Variants in STYX observed in about 807,000 individuals in gnomAD.
STYX encodes serine/threonine/tyrosine-interacting protein.
In STYX, 20 loss-of-function variants were observed where a neutral mutation model predicts 42.7. The observed-to-expected ratio is 0.47, with a 90% CI of 0.33 to 0.68. STYX has a LOEUF of 0.68. Among genes scored for constraint, STYX ranks in the 30% least tolerant of loss-of-function variants. The probability of loss-of-function intolerance (pLI) is 0.02; values close to 1 mark genes in which losing one functional copy is unlikely to be tolerated. For synonymous variants in STYX, 78 were observed against 81.9 expected (o/e 0.95, Z 0.26); for missense variants, 226 against 268.5 (o/e 0.84, Z 1.11).
chr14:52,746,830 G>A (rs900883140), intron 3 of STYX, among the ~76,000 whole-genome samples: 1 of 152,186 alleles, frequency 6.6e-6, no homozygotes, highest in African/African-American at 2.4e-5. Flanking sequence ...CCCAAAATAA[G>A]GAATTTCAAT....
intron 1 of STYX, among the ~76,000 whole-genome samples, chr14:52,731,433 CTT>C (rs34855760): frequency 2.8e-5 from 3 of 105,626 alleles, no homozygotes; most frequent in East Asian, 2.8e-4. Context: ...TGGAGGTTCA[CTT>C]TTTTTTTTTT....
Position 52,757,891 on chromosome 14 carries a change from C to T in STYX, c.398C>T (p.Ala133Val). The T allele has an allele frequency of 6.2e-7, 1 of 1,612,314 alleles. No homozygotes were observed. The highest frequency in any genetic ancestry group is 8.5e-7 in the Non-Finnish European group (1 of 1,179,740). The change falls in exon 8 of 11, where the codon GCA becomes GTA. Residue 133 changes from alanine (A) to valine (V), a missense_variant. Transcript: ENST00000354586. ...CTCTTCAGTGCAGCCTTTGTTATTG[C>T]ATACATTATGGAAACATTTGGAATG... Reference protein sequence around the residue: ...GISRSAAFVIAYIMETFGMKY... With the variant: ...GISRSAAFVIVYIMETFGMKY...
rs987646036 is a variant in STYX at position 52,750,729 on chromosome 14, G to A, written c.191G>A (p.Arg64Gln). ...KHGITHIICI[R>Q]QNIEANFIKP... is the part of the protein sequence containing the mutation. The stretch of plus-strand genomic sequence containing the variant: ...GGAATAACCCATATAATATGCATAC[G>A]ACAAAATATTGAAGCAAACTTTATT... Residue 64 changes from arginine (R) to glutamine (Q), a missense_variant, in exon 4 of 11, where the codon CGA (arginine) becomes CAA (glutamine). Physicochemically the swap from Arg to Gln is conservative, Grantham distance 43. Transcript: ENST00000354586. 4 of 1,591,876 alleles carry A rather than the reference G, an allele frequency of 2.5e-6. No individual in the cohort carries two copies. Among genetic ancestry groups the A allele is most frequent in the Admixed American group, 1.8e-5 (1 of 56,466 alleles).
At chr14:52,750,584 C>T (rs1472578819) in intron 3 of STYX, 99 bp from the exon 4 acceptor site, 17 of 769,284 alleles carry the variant, frequency 2.2e-5, no homozygotes, top group Non-Finnish European at 2.9e-5. Flanking sequence ...GATGTGGGTT[C>T]TGTGTATTTT....
At chr14:52,767,949 G>A (rs1029669450) in intron 9 of STYX, among the ~76,000 whole-genome samples, 1 of 151,970 alleles carries the variant, frequency 6.6e-6, no homozygotes, top group East Asian at 1.9e-4. Context: ...TTTCACTTCC[G>A]CCTTACCATA....
intron 9 of STYX, among the ~76,000 whole-genome samples, chr14:52,760,876 G>A (rs1263823010): frequency 6.6e-6 from 1 of 151,830 alleles, no homozygotes; most frequent in Non-Finnish European, 1.5e-5. Flanking sequence ...CATGCAATGT[G>A]TAATAATCAC....
At chr14:52,737,359 G>A (rs904659458) in intron 1 of STYX, among the ~76,000 whole-genome samples, 2 of 152,082 alleles carry the variant, frequency 1.3e-5, no homozygotes, top group African/African-American at 2.4e-5. Context: ...GAGATAATTC[G>A]GAAGGATGTT....
At chr14:52,767,796 C>G (rs1952092) in intron 9 of STYX, among the ~76,000 whole-genome samples, 73,847 of 151,936 alleles carry the variant, frequency 0.49, 18,036 homozygotes, top group South Asian at 0.56. Flanking sequence ...CCAATGAAAT[C>G]AAAATCTGTG....
At chr14:52,748,700 T>A (rs772878582) in intron 3 of STYX, among the ~76,000 whole-genome samples, 2 of 152,184 alleles carry the variant, frequency 1.3e-5, no homozygotes, top group Admixed American at 6.5e-5. Context: ...AGTAGTCTAT[T>A]GGGCCTTCAA....
chr14:52,749,114 CG>C (rs1881507276), intron 3 of STYX, among the ~76,000 whole-genome samples: 1 of 152,168 alleles, frequency 6.6e-6, no homozygotes, highest in African/African-American at 2.4e-5. Flanking sequence ...AGTCATGGTC[CG>C]GCTCTGGTGA....
At position 52,774,100 on chromosome 14, in the gene STYX, T is replaced by C. The variant is rs1251802108; in HGVS notation, c.*2994T>C. Reference sequence around the variant, plus strand: ...TGTTTAAACTGCAGTGACCTTTACTTGTATCTACTCTGTGGTGGAAATGTT... The same window carrying C: ...TGTTTAAACTGCAGTGACCTTTACTCGTATCTACTCTGTGGTGGAAATGTT... On this transcript the variant is annotated 3_prime_UTR_variant, in exon 11 of 11. Coordinates refer to ENST00000354586, the MANE Select transcript of STYX (RefSeq NM_145251.4). 1 of 152,196 alleles carries C rather than the reference T, an allele frequency of 6.6e-6. No individual in the cohort carries two copies. The highest frequency in any genetic ancestry group is 2.4e-5 in the African/African-American group (1 of 41,452). 9.4% of individuals were successfully genotyped at this position (152,196 alleles called of 1,614,324 possible).
intron 8 of STYX, 72 bp downstream of exon 8, chr14:52,757,996 G>T (rs1881942385): frequency 1.3e-6 from 2 of 1,502,058 alleles, no homozygotes; most frequent in South Asian, 1.2e-5. Context: ...GAATAGTTTG[G>T]AAGTTTGAAG....
rs199584883 is a variant in STYX, at chr14:52,768,955, G to A, written c.598+22G>A. 38 of 1,533,530 alleles carry A rather than the reference G, an allele frequency of 2.5e-5. No individual in the cohort carries two copies. In the East Asian group the frequency reaches 8.5e-4, roughly 34 times the overall value. The allele number at this position is 1,533,530 out of a possible 1,614,324, so 95.0% of individuals were successfully genotyped here. The stretch of plus-strand genomic sequence containing the variant: ...ACAGGTAAGGATTTTTTTCTTTTTG[G>A]AGAAATTTGGGAAGAAAGATAATGA... On this transcript the variant is annotated intron_variant, in intron 10 of 10. Transcript: ENST00000354586.
intron 10 of STYX, among the ~76,000 whole-genome samples, chr14:52,769,923 T>C (rs1026615793): frequency 6.6e-6 from 1 of 152,148 alleles, no homozygotes; most frequent in Non-Finnish European, 1.5e-5. Context: ...GAATGCCATA[T>C]GCCCTTCTGA....
Position 52,771,267 on chromosome 14 carries a change from T to C in STYX, c.*161T>C. The C allele has an allele frequency of 1.7e-6, 1 of 605,000 alleles. No individual in the cohort carries two copies. The highest frequency in any genetic ancestry group is 2.6e-5 in the South Asian group (1 of 37,884). 37.5% of individuals were successfully genotyped at this position (605,000 alleles called of 1,614,324 possible). On this transcript the variant is annotated 3_prime_UTR_variant, in exon 11 of 11. Transcript: ENST00000354586. Reference sequence around the variant, plus strand: ...CAACTTGTTGAGCAACATTTTAAGATGTTGGACTTCTGCAATAGATGACAC... The same window carrying C: ...CAACTTGTTGAGCAACATTTTAAGACGTTGGACTTCTGCAATAGATGACAC...
intron 1 of STYX, among the ~76,000 whole-genome samples, chr14:52,740,156 A>G (rs1200471311): frequency 6.6e-6 from 1 of 152,144 alleles, no homozygotes; most frequent in East Asian, 1.9e-4. Flanking sequence ...GGGCGCTTGT[A>G]ATCCCAGCTA....
rs547754623 is a variant in STYX at position 52,749,826 on chromosome 14, T to C, written c.145-857T>C. Among the ~76,000 whole-genome samples, 5 of 152,294 alleles carry C rather than the reference T, an allele frequency of 3.3e-5. No homozygotes were observed. In the East Asian group the frequency reaches 7.7e-4, roughly 24 times the overall value. ...CTGAAATGCTCCAAAGTGAAACTTT[T>C]TGAGTGTCAGCATGACAGCACAAGT... On this transcript the variant is annotated intron_variant, in intron 3 of 10. Transcript: ENST00000354586.
Position 52,772,235 on chromosome 14 carries a change from CTTTT to C in STYX, c.*1131_*1134del. 6.6e-6 allele frequency: 1 copy of C among 152,136 alleles called. No individual in the cohort carries two copies. The highest frequency in any genetic ancestry group is 1.5e-5 in the Non-Finnish European group (1 of 67,940). 9.4% of individuals were successfully genotyped at this position (152,136 alleles called of 1,614,324 possible). On this transcript the variant is annotated 3_prime_UTR_variant, in exon 11 of 11. Transcript: ENST00000354586. Reference sequence around the variant, plus strand: ...TTGGAATATAGAATGTTTACTCTTTCTTTTTATGTTGTCTTAATGATTCTGTGAG... The same window carrying C: ...TTGGAATATAGAATGTTTACTCTTTCTATGTTGTCTTAATGATTCTGTGAG...
intron 1 of STYX, among the ~76,000 whole-genome samples, chr14:52,741,761 A>G (rs904106274): frequency 2.0e-5 from 3 of 152,062 alleles, no homozygotes; most frequent in Non-Finnish European, 4.4e-5. Context: ...TTTAATTTCA[A>G]TTATACTTCT....
Sources: gnomAD v4.1 joint callset for allele counts (sites outside exome capture counted in the v4.1 genomes callset) on GRCh38, gnomAD v4.1.1 for gene constraint, MANE v1.5 for transcripts, NCBI Gene and HGNC (gene_info 2026-07-23, HGNC 2026-07-21) for gene names.